Variants in JAKMIP1 observed in about 807,000 individuals in gnomAD.
The protein encoded by JAKMIP1 is janus kinase and microtubule interacting protein 1.
A neutral mutation model predicts 113.0 loss-of-function variants in JAKMIP1; 33 were observed. That is an observed-to-expected ratio of 0.29 (90% confidence interval 0.22 to 0.39). JAKMIP1 has a LOEUF of 0.39. JAKMIP1 is among the 10% of genes least tolerant of loss of function. The probability of loss-of-function intolerance (pLI) is 1.00; values close to 1 mark genes in which losing one functional copy is unlikely to be tolerated. For missense variants in JAKMIP1, 813 were observed against 1,080.5 expected (o/e 0.75, Z 3.47); for synonymous variants, 480 against 459.9 (o/e 1.04, Z -0.56).
intron 1 of JAKMIP1, among the ~76,000 whole-genome samples, chr4:6,159,873 T>C (rs1722694768): frequency 6.6e-6 from 1 of 152,184 alleles, no homozygotes; most frequent in Non-Finnish European, 1.5e-5. Context: ...AATCATAGTA[T>C]ATCCAAACCA....
Position 6,129,238 on chromosome 4 carries a change from T to G in JAKMIP1, c.-147-16241A>C, listed in dbSNP as rs16838300. ...TTTCCTGATTCCTTGATAAAAATAG[T>G]CCCCCCTTCTGCAGAATCAAGTACA... On this transcript the variant is annotated intron_variant, in intron 1 of 20. Coordinates refer to ENST00000409021, the MANE Select transcript of JAKMIP1 (RefSeq NM_001099433.2). This position sits in a 1 kb window ranked among gnomAD's most constrained non-coding sequence, Gnocchi z 5.4. Among the ~76,000 whole-genome samples, 14,234 of 151,856 alleles carry G rather than the reference T, an allele frequency of 0.094. 2,115 individuals are homozygous for G. Among genetic ancestry groups the G allele is most frequent in the African/African-American group, 0.32 (13,211 of 41,396 alleles).
At position 6,139,638 on chromosome 4, in the gene JAKMIP1, C is replaced by T. The variant is rs2108957242; in HGVS notation, c.-147-26641G>A. ...AAAATTAGCCAGGTGTGGTGGCACA[C>T]ACCTGTAGTCCCAGCTACTTGGGAG... On this transcript the variant is annotated intron_variant, in intron 1 of 20. Coordinates refer to ENST00000409021, the MANE Select transcript of JAKMIP1 (RefSeq NM_001099433.2). The surrounding 1 kb of genome is among the most constrained non-coding windows in gnomAD (Gnocchi z 5.2). 6.6e-6 allele frequency among the ~76,000 whole-genome samples: 1 copy of T among 152,134 alleles called. No homozygotes were observed. The highest frequency in any genetic ancestry group is 1.5e-5 in the Non-Finnish European group (1 of 67,996).
At chr4:6,062,780 C>A (rs955170964) in intron 9 of JAKMIP1, among the ~76,000 whole-genome samples, 2 of 152,210 alleles carry the variant, frequency 1.3e-5, no homozygotes. Flanking sequence ...GAACCAGCCC[C>A]AACTCCAGAA....
At chr4:6,083,301 G>A (rs552673451) in intron 5 of JAKMIP1, among the ~76,000 whole-genome samples, 2 of 151,746 alleles carry the variant, frequency 1.3e-5, no homozygotes, top group South Asian at 2.1e-4. Flanking sequence ...TACTTGGGAG[G>A]CTGAGGCAGG....
At chr4:6,133,985 G>C (rs956681861) in intron 1 of JAKMIP1, among the ~76,000 whole-genome samples, 3 of 152,182 alleles carry the variant, frequency 2.0e-5, no homozygotes, top group African/African-American at 7.2e-5. Context: ...GTGTGAATTA[G>C]AATGGACTGA....
chr4:6,162,182 C>T lies in JAKMIP1; in HGVS notation c.-148+38071G>A, dbSNP rs549223940. Among the ~76,000 whole-genome samples, 5 of 151,958 alleles carry T rather than the reference C, an allele frequency of 3.3e-5. No individual in the cohort carries two copies. Among genetic ancestry groups the T allele is most frequent in the African/African-American group, 1.2e-4 (5 of 41,248 alleles). On this transcript the variant is annotated intron_variant, in intron 1 of 20. Transcript: ENST00000409021. This position sits in a 1 kb window ranked among gnomAD's most constrained non-coding sequence, Gnocchi z 5.6. ...TCACCAAGGGGCTGTGAGCTTGGACCTCGTCCCACTAGAGGGCAGTGGGAG... is the reference window on the plus strand; with the variant it reads ...TCACCAAGGGGCTGTGAGCTTGGACTTCGTCCCACTAGAGGGCAGTGGGAG...
At position 6,199,848 on chromosome 4, in the gene JAKMIP1, G is replaced by A. The variant is rs1205491392; in HGVS notation, c.-148+405C>T. 1.3e-5 allele frequency among the ~76,000 whole-genome samples: 2 copies of A among 151,500 alleles called. No individual in the cohort carries two copies. The highest frequency in any genetic ancestry group is 3.0e-5 in the Non-Finnish European group (2 of 67,766). The stretch of plus-strand genomic sequence containing the variant: ...GGGACGGGCCGGCCACACCCCCCGC[G>A]CCACTCCGGCAGGCACCGGGTGGGT... On this transcript the variant is annotated intron_variant, in intron 1 of 20. Transcript: ENST00000409021. This position sits in a 1 kb window ranked among gnomAD's most constrained non-coding sequence, Gnocchi z 5.6.
At chr4:6,098,617 A>AAAG (rs1712320066) in intron 3 of JAKMIP1, among the ~76,000 whole-genome samples, 1 of 137,358 alleles carries the variant, frequency 7.3e-6, no homozygotes, top group Non-Finnish European at 1.6e-5. Flanking sequence ...AAAAGAAAGA[A>AAAG]AAAGAAAAAG....
intron 8 of JAKMIP1, among the ~76,000 whole-genome samples, chr4:6,066,890 C>A (rs905723113): frequency 1.3e-5 from 2 of 152,010 alleles, no homozygotes; most frequent in South Asian, 4.2e-4. Context: ...CTCTCCTCCT[C>A]CGCTCCAGGC....
rs1293706883 is a variant in JAKMIP1 at position 6,199,980 on chromosome 4, G to C, written c.-148+273C>G. 6.7e-6 allele frequency among the ~76,000 whole-genome samples: 1 copy of C among 150,254 alleles called. No homozygotes were observed. Among genetic ancestry groups the C allele is most frequent in the East Asian group, 2.0e-4 (1 of 5,036 alleles). On this transcript the variant is annotated intron_variant, in intron 1 of 20. Transcript: ENST00000409021. The surrounding 1 kb of genome is among the most constrained non-coding windows in gnomAD (Gnocchi z 5.6). ...GGGCGGGACCGGGAGGGGGTGTTGGGGGAAGCGACGCAGCGGCTGGGAGAT... is the reference window on the plus strand; with the variant it reads ...GGGCGGGACCGGGAGGGGGTGTTGGCGGAAGCGACGCAGCGGCTGGGAGAT...
At chr4:6,109,992 C>A (rs1045998758) in intron 2 of JAKMIP1, among the ~76,000 whole-genome samples, 7 of 152,140 alleles carry the variant, frequency 4.6e-5, no homozygotes, top group Non-Finnish European at 1.0e-4. Flanking sequence ...GTGGAAATTG[C>A]CACACGTCCC....
intron 1 of JAKMIP1, among the ~76,000 whole-genome samples, chr4:6,195,135 A>G (rs960810678): frequency 6.6e-6 from 1 of 152,240 alleles, no homozygotes; most frequent in African/African-American, 2.4e-5. Context: ...GGCTGCAGAC[A>G]ATGGGACAAG....
At chr4:6,038,978 GGCCC>G (rs1713946526) in intron 18 of JAKMIP1, among the ~76,000 whole-genome samples, 2 of 152,238 alleles carry the variant, frequency 1.3e-5, no homozygotes, top group African/African-American at 4.8e-5. Flanking sequence ...ATGGACACAT[GGCCC>G]TGTCACCCTC....
chr4:6,124,223 T>C (rs1717104570), intron 1 of JAKMIP1, among the ~76,000 whole-genome samples: 2 of 152,316 alleles, frequency 1.3e-5, no homozygotes, highest in African/African-American at 4.8e-5. Flanking sequence ...CCATTGCTAA[T>C]CCCAGAGAGG....
At position 6,049,803 on chromosome 4, in the gene JAKMIP1, G is replaced by A. The variant is rs764332085; in HGVS notation, c.1962+16C>T. ...AAACAAGAACACGAAAGCAGAAACC[G>A]ATCGCTCATAGTTACCCCGTTATCG... On this transcript the variant is annotated intron_variant, in intron 15 of 20. Coordinates refer to ENST00000409021, the MANE Select transcript of JAKMIP1 (RefSeq NM_001099433.2). This position sits in a 1 kb window ranked among gnomAD's most constrained non-coding sequence, Gnocchi z 7.0. 1.4e-5 allele frequency: 22 copies of A among 1,596,554 alleles called. No individual in the cohort carries two copies. Among genetic ancestry groups the A allele is most frequent in the South Asian group, 2.2e-5 (2 of 90,480 alleles).
rs1723913849 is a variant in JAKMIP1 at position 6,168,323 on chromosome 4, AC to A, written c.-148+31929del. Among the ~76,000 whole-genome samples, 1 of 152,234 alleles carries A rather than the reference AC, an allele frequency of 6.6e-6. No individual in the cohort carries two copies. Among genetic ancestry groups the A allele is most frequent in the African/African-American group, 2.4e-5 (1 of 41,458 alleles). On this transcript the variant is annotated intron_variant, in intron 1 of 20. Transcript: ENST00000409021. The surrounding 1 kb of genome is among the most constrained non-coding windows in gnomAD (Gnocchi z 4.6). ...GAAAGATGGGAAAACATATGTGCAC[AC>A]AAAAACATGTACACAAACATTCATG...
At position 6,059,941 on chromosome 4, in the gene JAKMIP1, CA is replaced by C. The variant is rs1271420519; in HGVS notation, c.1644+482del. 2.0e-5 allele frequency among the ~76,000 whole-genome samples: 3 copies of C among 152,130 alleles called. No individual in the cohort carries two copies. Among genetic ancestry groups the C allele is most frequent in the Non-Finnish European group, 4.4e-5 (3 of 68,022 alleles). On this transcript the variant is annotated intron_variant, in intron 11 of 20. Coordinates refer to ENST00000409021, the MANE Select transcript of JAKMIP1 (RefSeq NM_001099433.2). The surrounding 1 kb of genome is among the most constrained non-coding windows in gnomAD (Gnocchi z 4.8). ...TCACTGTCAACCAGCCTTGCCTAAT[CA>C]AATGCAGTGGATGGGTAGGTGCAGT... is the stretch of plus-strand genomic sequence containing the variant.
rs971469415 is a variant in JAKMIP1, at chr4:6,197,414, C to T, written c.-148+2839G>A. ...CTCATAGCTTCTTCACCATCATCACCCCTCATAAATCGGCTACCTTTGCTC... is the reference window on the plus strand; with the variant it reads ...CTCATAGCTTCTTCACCATCATCACTCCTCATAAATCGGCTACCTTTGCTC... On this transcript the variant is annotated intron_variant, in intron 1 of 20. Transcript: ENST00000409021. The surrounding 1 kb of genome is among the most constrained non-coding windows in gnomAD (Gnocchi z 6.5). Among the ~76,000 whole-genome samples the T allele has an allele frequency of 6.6e-6, 1 of 152,294 alleles. No homozygotes were observed. Among genetic ancestry groups the T allele is most frequent in the African/African-American group, 2.4e-5 (1 of 41,552 alleles).
rs1361732054 is a variant in JAKMIP1 at position 6,065,362 on chromosome 4, T to C, written c.1303-354A>G. On this transcript the variant is annotated intron_variant, in intron 8 of 20. Coordinates refer to ENST00000409021, the MANE Select transcript of JAKMIP1 (RefSeq NM_001099433.2). This position sits in a 1 kb window ranked among gnomAD's most constrained non-coding sequence, Gnocchi z 5.1. ...TGTGAGCACAAAAGGGGGCCATGCA[T>C]GCCCTGTGCCCAGAAAGCAGCCCAG... 6.6e-6 allele frequency among the ~76,000 whole-genome samples: 1 copy of C among 152,200 alleles called. No homozygotes were observed. Among genetic ancestry groups the C allele is most frequent in the African/African-American group, 2.4e-5 (1 of 41,446 alleles).
Sources: allele counts gnomAD v4.1 joint callset (sites outside exome capture counted in the v4.1 genomes callset), GRCh38; gene constraint gnomAD v4.1.1; non-coding constraint Gnocchi (gnomAD v3.1); transcripts MANE v1.5; gene names NCBI Gene and HGNC (gene_info 2026-07-23, HGNC 2026-07-21).